ZNF37A: variants seen among roughly 807,000 people sequenced by gnomAD.
ZNF37A encodes the protein zinc finger protein 37A.
Under a neutral mutation model 12.3 loss-of-function variants are expected in ZNF37A, and 10 were observed. That is an observed-to-expected ratio of 0.82 (90% CI 0.50 to 1.38). The LOEUF (loss-of-function observed/expected upper bound fraction) is 1.38. Among genes scored for constraint, ZNF37A ranks in the 40% most tolerant of loss-of-function variants. The probability of loss-of-function intolerance (pLI) is 0.00; values close to 1 mark genes in which losing one functional copy is unlikely to be tolerated. For missense variants in ZNF37A, 580 were observed against 651.2 expected (o/e 0.89, Z 1.19); for synonymous variants, 207 against 223.0 (o/e 0.93, Z 0.64).
At chr10:38,133,396 A>G (rs1379145021) in intron 7 of ZNF37A, among the ~76,000 whole-genome samples, 1 of 152,054 alleles carries the variant, frequency 6.6e-6, no homozygotes, top group Non-Finnish European at 1.5e-5. Flanking sequence ...TACATGTGCC[A>G]TGTTGGTGTG....
chr10:38,109,006 C>T (rs7083258), intron 5 of ZNF37A, among the ~76,000 whole-genome samples: 1,961 of 152,154 alleles, frequency 0.013, 44 homozygotes, highest in African/African-American at 0.045. Context: ...ATCCTGATAC[C>T]GAAACATTGC....
At chr10:38,115,461 A>T in intron 7 of ZNF37A, 171 bp downstream of exon 7, 1 of 808,924 alleles carries the variant, frequency 1.2e-6, no homozygotes, top group East Asian at 3.0e-5. Context: ...ATCACCCAGC[A>T]TCTCCCAGTA....
downstream of ZNF37A, among the ~76,000 whole-genome samples, chr10:38,129,319 A>AAAAAAAAAAAAAAAAAAAAAAAATAAAAT: frequency 1.7e-5 from 2 of 116,226 alleles, no homozygotes; most frequent in African/African-American, 7.3e-5. Context: ...AAAAAAAAAA[A>AAAAAAAAAAAAAAAAAAAAAAAATAAAAT]AAACTATTAT....
intron 7 of ZNF37A, chr10:38,137,912 A>C (rs886526496): frequency 1.3e-5 from 2 of 152,186 alleles, no homozygotes; most frequent in Non-Finnish European, 2.9e-5. Context: ...TCTCCTAAGG[A>C]TCAGTTTTAA....
chr10:38,109,153 T>A (rs2135952410), intron 5 of ZNF37A, among the ~76,000 whole-genome samples: 1 of 152,338 alleles, frequency 6.6e-6, no homozygotes, highest in South Asian at 2.1e-4. Context: ...GTCAGCTTCA[T>A]CCCTGGGATG....
intron 4 of ZNF37A, 79 bp downstream of exon 4, chr10:38,095,883 T>G (rs1357183693): frequency 2.6e-5 from 4 of 152,284 alleles, no homozygotes; most frequent in African/African-American, 9.6e-5. Context: ...AAGTTCGTTT[T>G]CCTTCCAAAA....
intron 5 of ZNF37A, among the ~76,000 whole-genome samples, chr10:38,098,316 G>T (rs111370879): frequency 2.6e-4 from 39 of 152,326 alleles, no homozygotes; most frequent in African/African-American, 7.7e-4. Context: ...GCTCTCAGTT[G>T]TTCTGGGTAT....
intron 7 of ZNF37A, chr10:38,139,876 CAT>C (rs2136082605): frequency 6.6e-6 from 1 of 152,176 alleles, no homozygotes; most frequent in South Asian, 2.1e-4. Flanking sequence ...ATTTGGTTCC[CAT>C]TTGGGAGTTA....
chr10:38,119,117 C>G lies in ZNF37A; in HGVS notation c.*280C>G, dbSNP rs749825596. 9.2e-7 allele frequency: 1 copy of G among 1,089,320 alleles called. No homozygotes were observed. The highest frequency in any genetic ancestry group is 1.1e-6 in the Non-Finnish European group (1 of 893,854). 67.5% of individuals were successfully genotyped at this position (1,089,320 alleles called of 1,614,324 possible). Reference sequence around the variant, plus strand: ...TTCATTAAACATCAGAGAATTCACACGGGGTGAAACCTGGGTCAGCATCCC... The same window carrying G: ...TTCATTAAACATCAGAGAATTCACAGGGGGTGAAACCTGGGTCAGCATCCC... On this transcript the variant is annotated 3_prime_UTR_variant, in exon 8 of 8. Transcript: ENST00000685332.
At chr10:38,144,921 A>G (rs1004443780) in intron 7 of ZNF37A, among the ~76,000 whole-genome samples, 1 of 152,074 alleles carries the variant, frequency 6.6e-6, no homozygotes, top group Non-Finnish European at 1.5e-5. Flanking sequence ...TCTACAACAT[A>G]TATAGTGCTG....
At position 38,118,339 on chromosome 10, in the gene ZNF37A, A is replaced by G; in HGVS notation, c.1188A>G (p.Ser396=). 2 of 1,613,924 alleles carry G rather than the reference A, an allele frequency of 1.2e-6. No individual in the cohort carries two copies. Among genetic ancestry groups the G allele is most frequent in the Non-Finnish European group, 1.7e-6 (2 of 1,179,974 alleles). ...GTGGGAAAGCCTTTCTCAGAAAATC[A>G]GACCTCATTAAACATCAAAGAATAC... is the stretch of plus-strand genomic sequence containing the variant. ...YACGKAFLRK[S]DLIKHQRIHT... The change falls in exon 8 of 8, where the codon TCA becomes TCG. Residue 396 remains serine, a synonymous_variant. Transcript: ENST00000685332.
chr10:38,133,655 T>A (rs1424617586), intron 7 of ZNF37A, among the ~76,000 whole-genome samples: 4 of 151,674 alleles, frequency 2.6e-5, no homozygotes, highest in African/African-American at 9.8e-5. Flanking sequence ...TCATCCTTTT[T>A]TATGGCTGCA....
intron 7 of ZNF37A, chr10:38,144,077 CTT>C (rs1453717003): frequency 6.6e-6 from 1 of 152,136 alleles, no homozygotes; most frequent in East Asian, 1.9e-4. Context: ...GTGGAAGTGT[CTT>C]TTATTGCAAT....
intron 6 of ZNF37A, 22 bp from the exon 7 acceptor site, chr10:38,115,173 G>A: frequency 2.5e-6 from 4 of 1,582,200 alleles, no homozygotes; most frequent in Non-Finnish European, 3.4e-6. Context: ...TTTGTCCCAA[G>A]TAATACAATT....
chr10:38,115,111 G>A (rs1297893912), intron 6 of ZNF37A, 84 bp from the exon 7 acceptor site: 5 of 984,820 alleles, frequency 5.1e-6, no homozygotes, highest in Admixed American at 2.3e-5. Context: ...GTGTGTGTGT[G>A]TGTGTACTGT....
chr10:38,116,407 C>T (rs1343070814), intron 7 of ZNF37A, among the ~76,000 whole-genome samples: 1 of 151,920 alleles, frequency 6.6e-6, no homozygotes, highest in Non-Finnish European at 1.5e-5. Flanking sequence ...AGTAAATGAA[C>T]CTGGGAAATT....
In ZNF37A at chr10:38,122,338, A is replaced by T. The variant is rs1344339902; in HGVS notation, c.*3501A>T. 1 of 152,198 alleles carries T rather than the reference A, an allele frequency of 6.6e-6. No homozygotes were observed. The highest frequency in any genetic ancestry group is 1.5e-5 in the Non-Finnish European group (1 of 68,034). The allele number at this position is 152,198 out of a possible 1,614,324, so 9.4% of individuals were successfully genotyped here. A position where few individuals can be genotyped will look rare whatever the true frequency, so the allele number is the denominator to read the frequency against. On this transcript the variant is annotated 3_prime_UTR_variant, in exon 8 of 8. Transcript: ENST00000685332. ...ATTCTTCAAAGAAATAGAAAACACAATCCTAAAATTTATATGGGAACCACA... is the reference window on the plus strand; with the variant it reads ...ATTCTTCAAAGAAATAGAAAACACATTCCTAAAATTTATATGGGAACCACA...
At chr10:38,096,705 A>G (rs2067181782) in intron 5 of ZNF37A, 73 bp downstream of exon 5, 5 of 1,443,542 alleles carry the variant, frequency 3.5e-6, no homozygotes, top group Non-Finnish European at 4.8e-6. Context: ...ATACATTCAT[A>G]TGAAAGTAGA....
downstream of ZNF37A, among the ~76,000 whole-genome samples, chr10:38,127,501 G>T (rs1347562681): frequency 1.3e-5 from 2 of 152,180 alleles, no homozygotes; most frequent in East Asian, 3.8e-4. Context: ...AACTAAAGAT[G>T]TGCTTTCCTA....
Sources: allele counts gnomAD v4.1 joint callset (sites outside exome capture counted in the v4.1 genomes callset), GRCh38; gene constraint gnomAD v4.1.1; transcripts MANE v1.5; gene names NCBI Gene and HGNC (gene_info 2026-07-23, HGNC 2026-07-21).